CLC: variants seen among roughly 807,000 people sequenced by gnomAD.
CLC encodes Charcot-Leyden crystal galectin.
CLC carries 15 observed loss-of-function variants against 13.9 expected under a neutral mutation model. The ratio of observed to expected loss-of-function variants is 1.08; its 90% CI spans 0.72 to 1.66. CLC has a LOEUF of 1.66. Ranked by LOEUF, CLC falls within the 40% of genes most tolerant of loss-of-function variation. The pLI is 0.00. For synonymous variants in CLC, 68 were observed against 59.9 expected, an observed-to-expected ratio of 1.14 and a Z score of -0.63; for missense variants, 161 against 169.1, an observed-to-expected ratio of 0.95 and a Z score of 0.27.
In CLC at chr19:39,734,337, A is replaced by G; in HGVS notation, c.249T>C (p.Phe83=). ...TCAGTTCAAATTCTTGGCCATCCTGAAAGGGCATATTCTTGGATTCCACCT... is the reference window on the plus strand; with the variant it reads ...TCAGTTCAAATTCTTGGCCATCCTGGAAGGGCATATTCTTGGATTCCACCT... The part of the protein sequence containing the change: ...KQQVESKNMP[F]QDGQEFELSI... Residue 83 remains phenylalanine, a synonymous_variant, in exon 3 of 4, where the codon TTT becomes TTC. Transcript: ENST00000221804. The G allele has an allele frequency of 6.2e-7, 1 of 1,614,070 alleles. No homozygotes were observed. The highest frequency in any genetic ancestry group is 8.5e-7 in the Non-Finnish European group (1 of 1,179,972).
rs1174545922 is a variant in CLC at position 39,735,039 on chromosome 19, C to A, written c.50G>T (p.Gly17Val). The A allele has an allele frequency of 1.2e-6, 2 of 1,613,860 alleles. No individual in the cohort carries two copies. The highest frequency in any genetic ancestry group is 1.7e-5 in the Admixed American group (1 of 60,018). ...TCGCCCTTTGATTGTCACAGTAGAA[C>A]CAGTAGACAAAGAGGCAGCCTCTGT... ...PYTEAASLST[G>V]STVTIKGRPL... is the part of the protein sequence containing the mutation. Residue 17 changes from glycine (G) to valine (V), a missense_variant, in exon 2 of 4, where the codon GGT (glycine) becomes GTT (valine). Coordinates refer to ENST00000221804, the MANE Select transcript of CLC (RefSeq NM_001828.6).
chr19:39,734,301 C>A lies in CLC; in HGVS notation c.285G>T (p.Val95=), dbSNP rs767032975. ...TGCTCACCTGGTACTTATCTGGCAG[C>A]ACTGAGATGCTCAGTTCAAATTCTT... ...DGQEFELSIS[V]LPDKYQVMVN... Residue 95 remains valine (V), a synonymous_variant, in exon 3 of 4, where the codon GTG becomes GTT. Coordinates refer to ENST00000221804, the MANE Select transcript of CLC (RefSeq NM_001828.6). 8.1e-6 allele frequency: 13 copies of A among 1,613,834 alleles called. No homozygotes were observed. The Admixed American group carries it at 2.2e-4, about 27-fold the overall frequency.
intron 3 of CLC, 159 bp downstream of exon 3, chr19:39,734,124 C>T: frequency 1.0e-6 from 1 of 964,228 alleles, no homozygotes; most frequent in African/African-American, 1.8e-5. Flanking sequence ...AAGCCTGGGA[C>T]AGGGGGAGTT....
Position 39,734,556 on chromosome 19 carries a change from A to G in CLC, c.93-63T>C, listed in dbSNP as rs1414421289. Reference sequence around the variant, plus strand: ...CTTGTGGGGCACACACAAGACACACACACAAGTCTCTTTGCCCCTTCCGTG... The same window carrying G: ...CTTGTGGGGCACACACAAGACACACGCACAAGTCTCTTTGCCCCTTCCGTG... On this transcript the variant is annotated intron_variant, in intron 2 of 3. Coordinates refer to ENST00000221804, the MANE Select transcript of CLC (RefSeq NM_001828.6). 2.9e-6 allele frequency: 4 copies of G among 1,402,238 alleles called. No homozygotes were observed. The Admixed American group carries it at 5.1e-5, about 18-fold the overall frequency. The allele number at this position is 1,402,238 out of a possible 1,614,324, so 86.9% of individuals were successfully genotyped here.
In CLC at chr19:39,731,427, T is replaced by C. The variant is rs1425150829; in HGVS notation, c.382A>G (p.Arg128Gly). The C allele has an allele frequency of 6.2e-7, 1 of 1,613,824 alleles. No homozygotes were observed. Among genetic ancestry groups the C allele is most frequent in the East Asian group, 2.2e-5 (1 of 44,864 alleles). The change falls in exon 4 of 4, where the codon AGA becomes GGA. Residue 128 changes from arginine to glycine, a missense_variant. By Grantham distance (125) the Arg-to-Gly change is moderately radical. Transcript: ENST00000221804. Reference protein sequence around the residue: ...PEAVKMVQVWRDISLTKFNVS... With the variant: ...PEAVKMVQVWGDISLTKFNVS... ...TTAAATTTGGTCAGGGAGATATCTCTCCACACTTGCACCATCTTCACAGCC... is the reference window on the plus strand; with the variant it reads ...TTAAATTTGGTCAGGGAGATATCTCCCCACACTTGCACCATCTTCACAGCC...
chr19:39,733,261 C>G (rs981622382), intron 3 of CLC, among the ~76,000 whole-genome samples: 15 of 152,112 alleles, frequency 9.9e-5, no homozygotes, highest in African/African-American at 3.6e-4. Context: ...CATAGAAAAA[C>G]ACCTCTGACT....
chr19:39,734,165 G>A (rs1967270615), intron 3 of CLC, 118 bp downstream of exon 3: 5 of 1,393,176 alleles, frequency 3.6e-6, no homozygotes, highest in Non-Finnish European at 4.8e-6. Flanking sequence ...GATAAGGGGA[G>A]TTGTGGGTGA....
rs111377800 is a variant in CLC, at chr19:39,732,215, A to G, written c.304-710T>C. On this transcript the variant is annotated intron_variant, in intron 3 of 3. Coordinates refer to ENST00000221804, the MANE Select transcript of CLC (RefSeq NM_001828.6). ...CATCTAGCATTAGGTATATCTCCCA[A>G]TGCTATCCCTCCCCCCTCCCCCCAC... 1.7e-3 allele frequency among the ~76,000 whole-genome samples: 161 copies of G among 94,784 alleles called. 2 individuals are homozygous for G. The highest frequency in any genetic ancestry group is 6.4e-3 in the African/African-American group (141 of 21,942). 62.2% of individuals were successfully genotyped at this position (94,784 alleles called of 152,430 possible). A position where few individuals can be genotyped will look rare whatever the true frequency, so the allele number is the denominator to read the frequency against.
chr19:39,737,559 G>A lies in CLC; in HGVS notation c.15+379C>T, dbSNP rs775294568. Among the ~76,000 whole-genome samples, 5 of 151,836 alleles carry A rather than the reference G, an allele frequency of 3.3e-5. No individual in the cohort carries two copies. The East Asian group carries it at 5.8e-4, about 18-fold the overall frequency. Reference sequence around the variant, plus strand: ...TATAAAGATGCTCATGCACTGGTCCGGCTGTGCTCACACACACACTCACAT... The same window carrying A: ...TATAAAGATGCTCATGCACTGGTCCAGCTGTGCTCACACACACACTCACAT... On this transcript the variant is annotated intron_variant, in intron 1 of 3. Coordinates refer to ENST00000221804, the MANE Select transcript of CLC (RefSeq NM_001828.6).
intron 1 of CLC, 48 bp from the exon 2 acceptor site, chr19:39,735,121 C>T (rs558372498): frequency 7.4e-7 from 1 of 1,359,036 alleles, no homozygotes; most frequent in African/African-American, 1.4e-5. Context: ...CAGGTGTGGC[C>T]TCCCCTCCTG....
chr19:39,733,895 T>C, intron 3 of CLC: 1 of 975,470 alleles, frequency 1.0e-6, no homozygotes, highest in Non-Finnish European at 1.2e-6. Context: ...TCTTATCCAT[T>C]TAGCTACATG....
At chr19:39,734,149 G>A in intron 3 of CLC, 134 bp downstream of exon 3, 10 of 1,393,020 alleles carry the variant, frequency 7.2e-6, no homozygotes, top group Non-Finnish European at 9.5e-6. Flanking sequence ...GTGATGAAAA[G>A]CCTGGGATAA....
intron 3 of CLC, among the ~76,000 whole-genome samples, chr19:39,732,071 TTTATTTA>T (rs1304820395): frequency 3.8e-5 from 3 of 79,896 alleles, no homozygotes; most frequent in Admixed American, 9.1e-5. Flanking sequence ...TATTAAATTA[TTTATTTA>T]TTATTTATTT....
intron 1 of CLC, 141 bp downstream of exon 1, chr19:39,737,797 C>G: frequency 1.2e-6 from 1 of 840,584 alleles, no homozygotes. Flanking sequence ...ATACCATAGC[C>G]CTAGGGTCTC....
In CLC at chr19:39,737,999, G is replaced by A. The variant is rs367968634; in HGVS notation, c.-47C>T. On this transcript the variant is annotated 5_prime_UTR_variant, in exon 1 of 4. Coordinates refer to ENST00000221804, the MANE Select transcript of CLC (RefSeq NM_001828.6). Reference sequence around the variant, plus strand: ...TCTTCTGAATTGTGTCCAGACTTCTGTGTGAATCTCTGAGCTGCAGAATTT... The same window carrying A: ...TCTTCTGAATTGTGTCCAGACTTCTATGTGAATCTCTGAGCTGCAGAATTT... The A allele has an allele frequency of 3.9e-5, 62 of 1,595,614 alleles. No individual in the cohort carries two copies. The African/African-American group carries it at 6.1e-4, about 16-fold the overall frequency.
chr19:39,737,733 T>C (rs1388290842), intron 1 of CLC, among the ~76,000 whole-genome samples: 1 of 151,958 alleles, frequency 6.6e-6, no homozygotes, highest in Non-Finnish European at 1.5e-5. Context: ...TCACAGAGGG[T>C]CACAATGTTC....
intron 3 of CLC, among the ~76,000 whole-genome samples, chr19:39,732,531 C>T (rs1224833713): frequency 3.9e-5 from 4 of 103,784 alleles, no homozygotes; most frequent in Non-Finnish European, 6.2e-5. Flanking sequence ...TGAATAATGC[C>T]GCAATAAACA....
At chr19:39,732,207 A>C in intron 3 of CLC, among the ~76,000 whole-genome samples, 1 of 101,678 alleles carries the variant, frequency 9.8e-6, no homozygotes, top group African/African-American at 4.2e-5. Flanking sequence ...CATTAGGTAT[A>C]TCTCCCAATG....
chr19:39,737,912 T>C lies in CLC; in HGVS notation c.15+26A>G, dbSNP rs770564973. The stretch of plus-strand genomic sequence containing the variant: ...CCCTTTTCTGTGTGACCTGAGATTA[T>C]TGAAGGCTGTGCCTTTTTAACTCAC... On this transcript the variant is annotated intron_variant, in intron 1 of 3. Transcript: ENST00000221804. 14 of 1,609,340 alleles carry C rather than the reference T, an allele frequency of 8.7e-6. No homozygotes were observed. In the East Asian group the frequency reaches 2.7e-4, roughly 31 times the overall value.
Sources: gnomAD v4.1 joint callset for allele counts (sites outside exome capture counted in the v4.1 genomes callset) on GRCh38, gnomAD v4.1.1 for gene constraint, MANE v1.5 for transcripts, NCBI Gene and HGNC (gene_info 2026-07-23, HGNC 2026-07-21) for gene names.